NCAN: variants seen among roughly 807,000 people sequenced by gnomAD.
NCAN encodes neurocan core protein.
NCAN carries 47 observed loss-of-function variants against 121.8 expected under a neutral mutation model. The observed-to-expected ratio is 0.39, with a 90% CI of 0.31 to 0.49. The LOEUF is 0.49. NCAN is among the 20% of genes least tolerant of loss of function. The probability of loss-of-function intolerance (pLI) is 0.92; values close to 1 mark genes in which losing one functional copy is unlikely to be tolerated. For synonymous variants in NCAN, 633 were observed against 702.0 expected (o/e 0.90, Z 1.55); for missense variants, 1,517 against 1,773.4 (o/e 0.86, Z 2.60).
intron 10 of NCAN, 91 bp downstream of exon 10, chr19:19,235,187 C>T: frequency 4.3e-6 from 3 of 700,070 alleles, no homozygotes; most frequent in Non-Finnish European, 7.5e-6. Flanking sequence ...GTCCCTGCCT[C>T]CAGTTCCATG....
At chr19:19,223,698 C>G (rs2060824838) in intron 3 of NCAN, among the ~76,000 whole-genome samples, 1 of 152,162 alleles carries the variant, frequency 6.6e-6, no homozygotes, top group Non-Finnish European at 1.5e-5. Context: ...GTCTCGAACT[C>G]CTGACCTAAA....
chr19:19,214,448 T>G (rs902579835), intron 1 of NCAN, among the ~76,000 whole-genome samples: 16 of 151,634 alleles, frequency 1.1e-4, no homozygotes, highest in Admixed American at 3.3e-4. Flanking sequence ...AGGGTGTGTG[T>G]GGGGGGTGTG....
At chr19:19,215,861 G>A (rs2060794320) in intron 1 of NCAN, among the ~76,000 whole-genome samples, 1 of 152,194 alleles carries the variant, frequency 6.6e-6, no homozygotes, top group Non-Finnish European at 1.5e-5. Context: ...TTGAAAAATG[G>A]TATTTCAGTC....
intron 13 of NCAN, among the ~76,000 whole-genome samples, chr19:19,247,687 G>A (rs1312258705): frequency 2.6e-5 from 4 of 152,122 alleles, no homozygotes; most frequent in Non-Finnish European, 4.4e-5. Context: ...TGCCGCACCC[G>A]GCCTTTATTT....
Position 19,225,286 on chromosome 19 carries a change from G to T in NCAN, c.1072+16G>T, listed in dbSNP as rs374134255. On this transcript the variant is annotated intron_variant, in intron 6 of 14. Transcript: ENST00000252575. The surrounding 1 kb of genome is among the most constrained non-coding windows in gnomAD (Gnocchi z 4.0). ...TGCTTCCGAGGTGCGTGCGTCCCCT[G>T]GTGGCCGCGCCCCCAGGGCTTTCAC... 2.0e-4 allele frequency: 298 copies of T among 1,509,094 alleles called. 1 individual carries two copies. The African/African-American group carries it at 3.9e-3, about 20-fold the overall frequency. The allele number at this position is 1,509,094 out of a possible 1,614,324, so 93.5% of individuals were successfully genotyped here.
At position 19,225,183 on chromosome 19, in the gene NCAN, G is replaced by T; in HGVS notation, c.985G>T (p.Ala329Ser). ...GCCGCGCCGGCGCTGCGGGGGCCCAGCCCCGGGCGTGCGCACCGTCTACCG... is the reference window on the plus strand; with the variant it reads ...GCCGCGCCGGCGCTGCGGGGGCCCATCCCCGGGCGTGCGCACCGTCTACCG... ...QTPRRRCGGP[A>S]PGVRTVYRFA... The change falls in exon 6 of 15, where the codon GCC becomes TCC. Residue 329 changes from alanine to serine, a missense_variant. Transcript: ENST00000252575. This position sits in a 1 kb window ranked among gnomAD's most constrained non-coding sequence, Gnocchi z 4.0. 1.3e-6 allele frequency: 2 copies of T among 1,548,342 alleles called. No homozygotes were observed. Among genetic ancestry groups the T allele is most frequent in the Admixed American group, 1.9e-5 (1 of 52,412 alleles).
chr19:19,231,109 G>A (rs1353550770), intron 8 of NCAN, among the ~76,000 whole-genome samples: 9 of 152,038 alleles, frequency 5.9e-5, no homozygotes, highest in Non-Finnish European at 1.0e-4. Context: ...GATAAAGGCT[G>A]ACATTTATGG....
rs776203488 is a variant in NCAN at position 19,219,351 on chromosome 19, G to C, written c.475+35G>C. The C allele has an allele frequency of 2.8e-5, 41 of 1,462,922 alleles. No homozygotes were observed. The Admixed American group carries it at 9.6e-4, about 34-fold the overall frequency. The allele number at this position is 1,462,922 out of a possible 1,614,324, so 90.6% of individuals were successfully genotyped here. On this transcript the variant is annotated intron_variant, in intron 3 of 14. Transcript: ENST00000252575. ...GGGCAAAGGAGGGGCCGGGGGCCGG[G>C]GAGAGGGAGGGCTGAGCCTGGAGCC...
intron 3 of NCAN, among the ~76,000 whole-genome samples, chr19:19,222,526 G>A (rs1325990615): frequency 1.3e-5 from 2 of 152,134 alleles, no homozygotes; most frequent in Non-Finnish European, 2.9e-5. Flanking sequence ...TGATCTGCCT[G>A]CCTCGGTCTT....
chr19:19,213,688 G>A (rs1394962631), intron 1 of NCAN, among the ~76,000 whole-genome samples: 1 of 152,018 alleles, frequency 6.6e-6, no homozygotes, highest in Admixed American at 6.6e-5. Flanking sequence ...TATCTGGAGG[G>A]GCCAAGGGTT....
At chr19:19,249,034 GT>G in intron 14 of NCAN, 152 bp downstream of exon 14, 1 of 727,432 alleles carries the variant, frequency 1.4e-6, no homozygotes, top group Non-Finnish European at 2.3e-6. Context: ...CCTGTCTGAT[GT>G]TTCCTTCATT....
At chr19:19,215,893 A>G (rs896386594) in intron 1 of NCAN, among the ~76,000 whole-genome samples, 2 of 152,180 alleles carry the variant, frequency 1.3e-5, no homozygotes, top group Non-Finnish European at 2.9e-5. Context: ...AAGGTCGGTA[A>G]TAATAATAGC....
At chr19:19,235,161 TC>T in intron 10 of NCAN, 65 bp downstream of exon 10, 1 of 1,002,240 alleles carries the variant, frequency 1.0e-6, no homozygotes, top group Non-Finnish European at 1.6e-6. Context: ...GCCACAGGCT[TC>T]CCCACATACT....
At chr19:19,221,432 G>A (rs1240961923) in intron 3 of NCAN, among the ~76,000 whole-genome samples, 1 of 151,872 alleles carries the variant, frequency 6.6e-6, no homozygotes, top group Non-Finnish European at 1.5e-5. Context: ...GCCAGGCATG[G>A]TGGCACATTC....
chr19:19,229,408 C>T (rs530055617), intron 8 of NCAN, among the ~76,000 whole-genome samples: 298 of 152,224 alleles, frequency 2.0e-3, no homozygotes, highest in African/African-American at 6.8e-3. Flanking sequence ...AGGGAGGAGG[C>T]ATGGCAGGGA....
intron 10 of NCAN, among the ~76,000 whole-genome samples, chr19:19,235,518 C>T (rs1301925829): frequency 6.6e-6 from 1 of 151,754 alleles, no homozygotes; most frequent in Non-Finnish European, 1.5e-5. Flanking sequence ...GTGATCCACC[C>T]ACCTTGGCAT....
At chr19:19,214,006 C>G (rs563526115) in intron 1 of NCAN, among the ~76,000 whole-genome samples, 1 of 152,118 alleles carries the variant, frequency 6.6e-6, no homozygotes. Context: ...ACCCGGTGCA[C>G]GGAGCTGCTG....
intron 10 of NCAN, among the ~76,000 whole-genome samples, chr19:19,235,481 G>A (rs183150915): frequency 2.0e-4 from 31 of 151,284 alleles, no homozygotes; most frequent in African/African-American, 3.6e-4. Flanking sequence ...TATGTTGGCC[G>A]GGCTGGTCTT....
intron 3 of NCAN, 56 bp downstream of exon 3, chr19:19,219,372 GAGCCCACCCACTGA>G (rs2060807688): frequency 7.0e-7 from 1 of 1,425,578 alleles, no homozygotes; most frequent in African/African-American, 1.4e-5. Context: ...GCTGAGCCTG[GAGCCCACCCACTGA>G]ATGTCACCTT....
Sources: allele counts gnomAD v4.1 joint callset (sites outside exome capture counted in the v4.1 genomes callset), GRCh38; gene constraint gnomAD v4.1.1; non-coding constraint Gnocchi (gnomAD v3.1); transcripts MANE v1.5; gene names NCBI Gene and HGNC (gene_info 2026-07-23, HGNC 2026-07-21).